Variants in MGA observed in about 807,000 individuals in gnomAD.
MGA encodes MAX dimerization protein MGA, also known as MAX gene-associated protein.
MGA carries 40 observed loss-of-function variants against 261.1 expected under a neutral mutation model. The ratio of observed to expected loss-of-function variants is 0.15; its 90% CI spans 0.12 to 0.20. The LOEUF (loss-of-function observed/expected upper bound fraction) is 0.20, where lower values mean the gene tolerates loss of function less well. Ranked by LOEUF, MGA falls within the 10% of genes least tolerant of loss-of-function variation. The pLI, the probability that MGA is intolerant of heterozygous loss-of-function variation, is 1.00. For missense variants in MGA, 3,397 were observed against 3,630.5 expected (o/e 0.94, Z 1.65); for synonymous variants, 1,302 against 1,290.6 (o/e 1.01, Z -0.19).
chr15:41,666,241 C>A (rs2057731200), intron 1 of MGA, among the ~76,000 whole-genome samples: 1 of 152,114 alleles, frequency 6.6e-6, no homozygotes, highest in Non-Finnish European at 1.5e-5. Context: ...TCACAAGACA[C>A]AAAATTTACA....
upstream of MGA, among the ~76,000 whole-genome samples, chr15:41,655,616 TA>T (rs1218328214): frequency 6.6e-6 from 1 of 152,252 alleles, no homozygotes; most frequent in Non-Finnish European, 1.5e-5. Flanking sequence ...ATGATTGGTT[TA>T]ATCTGTGGAT....
chr15:41,647,240 C>T (rs554238022), intron 1 of MGA, among the ~76,000 whole-genome samples: 1 of 152,340 alleles, frequency 6.6e-6, no homozygotes, highest in East Asian at 1.9e-4. Context: ...CATCTGCCTG[C>T]AAGCTCATTC....
chr15:41,707,958 A>G, intron 6 of MGA, 99 bp downstream of exon 6: 1 of 1,445,300 alleles, frequency 6.9e-7, no homozygotes, highest in Non-Finnish European at 9.4e-7. Flanking sequence ...GACATTTAAC[A>G]TTAGTCTAAG....
At chr15:41,700,348 G>T (rs2059782791) in intron 5 of MGA, among the ~76,000 whole-genome samples, 1 of 151,998 alleles carries the variant, frequency 6.6e-6, no homozygotes, top group African/African-American at 2.4e-5. Context: ...GCCCGGCCCT[G>T]TCATCTAGGT....
intron 1 of MGA, among the ~76,000 whole-genome samples, chr15:41,639,168 C>T (rs1051086936): frequency 6.6e-6 from 1 of 152,022 alleles, no homozygotes; most frequent in African/African-American, 2.4e-5. Context: ...TTATACTATT[C>T]TTGTCCCATC....
In MGA at chr15:41,742,651, G is replaced by A. The variant is rs750688145; in HGVS notation, c.4691G>A (p.Gly1564Glu). Residue 1564 changes from glycine (G) to glutamate (E), a missense_variant, in exon 15 of 24, where the codon GGG becomes GAG. By Grantham distance (98) the Gly-to-Glu change is moderately conservative. This residue lies in a region of MGA where 1,410 missense variants were observed against 1,386.4 expected (regional missense o/e 1.02). Coordinates refer to ENST00000219905, the MANE Select transcript of MGA (RefSeq NM_001164273.2). ...GTTAGCACACCCCAAACCCTGGCAG[G>A]GACACAGAAGTTCAGTATCAGACCT... 5 of 1,613,736 alleles carry A rather than the reference G, an allele frequency of 3.1e-6. No homozygotes were observed. The highest frequency in any genetic ancestry group is 1.7e-5 in the Admixed American group (1 of 59,978).
At chr15:41,672,378 C>T (rs1169688555) in intron 2 of MGA, among the ~76,000 whole-genome samples, 2 of 152,182 alleles carry the variant, frequency 1.3e-5, no homozygotes, top group East Asian at 1.9e-4. Flanking sequence ...TGGTCTCAAA[C>T]TCATGAGCTG....
intron 9 of MGA, among the ~76,000 whole-genome samples, chr15:41,725,217 A>G (rs1337168189): frequency 6.6e-6 from 1 of 152,236 alleles, no homozygotes; most frequent in Non-Finnish European, 1.5e-5. Flanking sequence ...TCATGCCTGT[A>G]ATCCCAGTGA....
intron 1 of MGA, among the ~76,000 whole-genome samples, chr15:41,649,960 C>T (rs918189588): frequency 3.3e-5 from 5 of 152,116 alleles, no homozygotes; most frequent in African/African-American, 7.2e-5. Context: ...GGATTACAGG[C>T]GTGAGCCACC....
At chr15:41,688,920 T>C (rs969603167) in intron 2 of MGA, among the ~76,000 whole-genome samples, 6 of 152,194 alleles carry the variant, frequency 3.9e-5, no homozygotes, top group Non-Finnish European at 5.9e-5. Context: ...GCTTTCTTAT[T>C]ATGTCCACAC....
chr15:41,742,758 A>G lies in MGA; in HGVS notation c.4798A>G (p.Thr1600Ala). The G allele has an allele frequency of 2.5e-6, 4 of 1,613,908 alleles. No homozygotes were observed. In the South Asian group the frequency reaches 3.3e-5, roughly 13 times the overall value. ...CCCTGTGACTGCTGCTGTCACTACT[A>G]CCACCCCTCAAGTGTTTTTAGAAAA... Residue 1600 changes from threonine (T) to alanine (A), a missense_variant, in exon 15 of 24, where the codon ACC becomes GCC. Physicochemically the swap from Thr to Ala is moderately conservative, Grantham distance 58. Around this residue, in one of 9 missense-constraint regions of MGA, gnomAD observed 1,410 missense variants for 1,386.4 expected, o/e 1.02. Coordinates refer to ENST00000219905, the MANE Select transcript of MGA (RefSeq NM_001164273.2).
intron 22 of MGA, 45 bp downstream of exon 22, chr15:41,762,407 G>T (rs760164808): frequency 2.3e-6 from 3 of 1,319,802 alleles, no homozygotes; most frequent in Non-Finnish European, 2.1e-6. Flanking sequence ...ATATACATCA[G>T]TTGACTTTAG....
At chr15:41,622,031 G>C (rs2056307271) in intron 1 of MGA, among the ~76,000 whole-genome samples, 1 of 151,922 alleles carries the variant, frequency 6.6e-6, no homozygotes. Context: ...CTGCTGGCGC[G>C]GGGTAGGGGG....
intron 5 of MGA, among the ~76,000 whole-genome samples, chr15:41,707,244 T>G (rs539420002): frequency 6.6e-6 from 1 of 152,352 alleles, no homozygotes; most frequent in East Asian, 1.9e-4. Context: ...AGTCTGGGCA[T>G]AGCTTAGTTG....
intron 2 of MGA, among the ~76,000 whole-genome samples, chr15:41,676,906 A>T (rs2058414658): frequency 6.6e-6 from 1 of 152,212 alleles, no homozygotes; most frequent in African/African-American, 2.4e-5. Context: ...CCACTGCATA[A>T]CATCTACCTG....
chr15:41,656,367 T>C (rs537700011), upstream of MGA, among the ~76,000 whole-genome samples: 3 of 140,448 alleles, frequency 2.1e-5, no homozygotes, highest in South Asian at 2.4e-4. Context: ...TCTCTCTCTC[T>C]CTCTCTCTCT....
At chr15:41,725,147 G>A (rs568948640) in intron 9 of MGA, among the ~76,000 whole-genome samples, 3 of 152,286 alleles carry the variant, frequency 2.0e-5, no homozygotes, top group African/African-American at 7.2e-5. Context: ...CACTACGGCT[G>A]CTTTATGGGA....
At chr15:41,661,593 C>G (rs1424381789) in intron 1 of MGA, among the ~76,000 whole-genome samples, 2 of 152,110 alleles carry the variant, frequency 1.3e-5, no homozygotes, top group African/African-American at 2.4e-5. Flanking sequence ...CCAAAGTGCA[C>G]TCTTTTATTG....
intron 1 of MGA, among the ~76,000 whole-genome samples, chr15:41,634,672 T>C (rs912072676): frequency 6.6e-6 from 1 of 152,058 alleles, no homozygotes; most frequent in African/African-American, 2.4e-5. Flanking sequence ...GTATGAAGAT[T>C]GTTTGGTGAG....
Sources: allele counts gnomAD v4.1 joint callset (sites outside exome capture counted in the v4.1 genomes callset), GRCh38; gene constraint gnomAD v4.1.1; regional missense constraint gnomAD v4.1.1; transcripts MANE v1.5; gene names NCBI Gene and HGNC (gene_info 2026-07-23, HGNC 2026-07-21).